Variants in MIB1 observed in about 807,000 individuals in gnomAD.
MIB1 encodes E3 ubiquitin-protein ligase MIB1.
MIB1 carries 278 observed loss-of-function variants against 124.5 expected under a neutral mutation model. That is an observed-to-expected ratio of 2.23 (90% CI 2.02 to 2.47). MIB1 has a LOEUF of 2.47. Among genes scored for constraint, MIB1 ranks in the 30% most tolerant of loss-of-function variants. The pLI is 0.00. For missense variants in MIB1, 957 were observed against 1,254.4 expected (o/e 0.76, Z 3.58); for synonymous variants, 446 against 429.4 (o/e 1.04, Z -0.48).
rs2042325127 is a variant in MIB1, at chr18:21,866,881, A to G, written c.*2215A>G. On this transcript the variant is annotated 3_prime_UTR_variant, in exon 21 of 21. Coordinates refer to ENST00000261537, the MANE Select transcript of MIB1 (RefSeq NM_020774.4). ...TACTTCTTTATTCATGTTTTCAATCACTTAGAATTATTTTAAATTTATTTT... is the reference window on the plus strand; with the variant it reads ...TACTTCTTTATTCATGTTTTCAATCGCTTAGAATTATTTTAAATTTATTTT... The G allele has an allele frequency of 6.6e-6, 1 of 152,540 alleles. No homozygotes were observed. Among genetic ancestry groups the G allele is most frequent in the Non-Finnish European group, 1.5e-5 (1 of 68,020 alleles). The allele number at this position is 152,540 out of a possible 1,614,324, so 9.4% of individuals were successfully genotyped here.
intron 13 of MIB1, among the ~76,000 whole-genome samples, chr18:21,842,709 A>C (rs1355448769): frequency 6.6e-6 from 1 of 152,192 alleles, no homozygotes; most frequent in Non-Finnish European, 1.5e-5. Flanking sequence ...CAGCAAGGGG[A>C]AGTGAACTTA....
chr18:21,770,549 G>A (rs569133476), intron 3 of MIB1, among the ~76,000 whole-genome samples: 1 of 152,082 alleles, frequency 6.6e-6, no homozygotes, highest in East Asian at 1.9e-4. Flanking sequence ...CGAACTCCTG[G>A]GTTCAAGCGA....
At chr18:21,858,443 A>C (rs2042246362) in intron 19 of MIB1, 103 bp from the exon 20 acceptor site, 1 of 609,772 alleles carries the variant, frequency 1.6e-6, no homozygotes, top group African/African-American at 1.8e-5. Flanking sequence ...GATTTTAATA[A>C]TAGTTTTATG....
In MIB1 at chr18:21,846,251, G is replaced by A. The variant is rs532735968; in HGVS notation, c.2212-693G>A. 2.6e-5 allele frequency among the ~76,000 whole-genome samples: 4 copies of A among 152,198 alleles called. No homozygotes were observed. In the South Asian group the frequency reaches 6.2e-4, roughly 24 times the overall value. ...AGACCTCTGCCTTATTTATGACCAT[G>A]GGTAAGTTCTCTTAGCTCGGTGTGC... On this transcript the variant is annotated intron_variant, in intron 15 of 20. Transcript: ENST00000261537.
In MIB1 at chr18:21,708,690, A is replaced by T. The variant is rs543666384; in HGVS notation, n.167+3567A>T. Reference sequence around the variant, plus strand: ...AAAAACCAAGTAACTGTTATTCCCAATTTATACATGAGGAAATGAGAGCTC... The same window carrying T: ...AAAAACCAAGTAACTGTTATTCCCATTTTATACATGAGGAAATGAGAGCTC... On this transcript the variant is annotated intron_variant and non_coding_transcript_variant, in intron 1 of 20. Transcript: ENST00000578646. Among the ~76,000 whole-genome samples, 7 of 152,240 alleles carry T rather than the reference A, an allele frequency of 4.6e-5. No homozygotes were observed. The South Asian group carries it at 1.4e-3, about 32-fold the overall frequency.
At chr18:21,832,784 T>C (rs2041995891) in intron 12 of MIB1, among the ~76,000 whole-genome samples, 1 of 152,202 alleles carries the variant, frequency 6.6e-6, no homozygotes, top group East Asian at 1.9e-4. Flanking sequence ...ACAGCTTTCC[T>C]AGATATTGAA....
In MIB1 at chr18:21,791,455, C is replaced by G; in HGVS notation, c.990C>G (p.Thr330=). The G allele has an allele frequency of 6.2e-7, 1 of 1,614,040 alleles. No individual in the cohort carries two copies. Among genetic ancestry groups the G allele is most frequent in the Non-Finnish European group, 8.5e-7 (1 of 1,179,954 alleles). ...GDAAQGAEGG[T]SQFQVGDLVQ... is the part of the protein sequence containing the mutation. ...CTGCTCAGGGTGCAGAAGGAGGCAC[C>G]TCGCAGTTTCAAGTGGGTGATCTTG... is the stretch of plus-strand genomic sequence containing the variant. Residue 330 remains threonine (T), a synonymous_variant, in exon 7 of 21, where the codon ACC becomes ACG. Coordinates refer to ENST00000261537, the MANE Select transcript of MIB1 (RefSeq NM_020774.4).
intron 8 of MIB1, among the ~76,000 whole-genome samples, chr18:21,799,597 G>T (rs1002873911): frequency 6.6e-6 from 1 of 151,898 alleles, no homozygotes; most frequent in Non-Finnish European, 1.5e-5. Context: ...AGTATATAAT[G>T]CACTACTTTT....
intron 4 of MIB1, among the ~76,000 whole-genome samples, chr18:21,777,488 C>G (rs1328034885): frequency 6.6e-6 from 1 of 152,120 alleles, no homozygotes; most frequent in South Asian, 2.1e-4. Context: ...GTTTTTCAAA[C>G]TATTATAATT....
chr18:21,795,443 C>T (rs1301315797), intron 7 of MIB1, among the ~76,000 whole-genome samples: 1 of 147,056 alleles, frequency 6.8e-6, no homozygotes, highest in African/African-American at 2.5e-5. Context: ...ACAATACAAA[C>T]TATATTAAAG....
rs757527279 is a variant in MIB1, at chr18:21,843,206, CA to C, written c.2039del (p.Gln680ArgfsTer28). On this transcript the variant is annotated frameshift_variant, in exon 14 of 21. Coordinates refer to ENST00000261537, the MANE Select transcript of MIB1 (RefSeq NM_020774.4). LOFTEE classifies it high-confidence loss of function. ...LHLAVERQHTQIVRLLVRAGA... is the reference protein window; with the variant it reads ...LHLAVERQHTXIVRLLVRAGA... ...CCTTGCTGTTGAACGACAGCATACC[CA>C]GATTGTTAGGGTAAAGTATTGACAT... The C allele has an allele frequency of 1.3e-6, 2 of 1,586,390 alleles. No homozygotes were observed. Among genetic ancestry groups the C allele is most frequent in the Non-Finnish European group, 1.7e-6 (2 of 1,169,362 alleles).
chr18:21,863,345 T>C (rs771153974), intron 20 of MIB1, among the ~76,000 whole-genome samples: 27 of 152,336 alleles, frequency 1.8e-4, no homozygotes, highest in Admixed American at 3.3e-4. Context: ...TTATTTTGGG[T>C]ACCCACACTC....
chr18:21,836,504 CCCGA>C (rs2042034404), intron 12 of MIB1, among the ~76,000 whole-genome samples: 1 of 151,764 alleles, frequency 6.6e-6, no homozygotes, highest in Non-Finnish European at 1.5e-5. Context: ...CCTTTTTTGT[CCCGA>C]CCAACAACTT....
At chr18:21,835,975 A>T (rs1467437333) in intron 12 of MIB1, among the ~76,000 whole-genome samples, 1 of 151,104 alleles carries the variant, frequency 6.6e-6, no homozygotes, top group African/African-American at 2.4e-5. Flanking sequence ...TAGATTGGGC[A>T]TGGTGGGTCA....
chr18:21,831,712 C>A (rs558164173), intron 12 of MIB1, among the ~76,000 whole-genome samples: 1 of 151,892 alleles, frequency 6.6e-6, no homozygotes, highest in African/African-American at 2.4e-5. Flanking sequence ...TTTCCACTTA[C>A]ATTTCCCAGA....
intron 17 of MIB1, among the ~76,000 whole-genome samples, chr18:21,850,956 C>T (rs1289641054): frequency 1.3e-5 from 2 of 152,078 alleles, no homozygotes; most frequent in Admixed American, 6.5e-5. Context: ...TATTGAACAT[C>T]TGTTTTATAG....
chr18:21,725,828 A>G (rs981057954), intron 1 of MIB1, among the ~76,000 whole-genome samples: 5 of 152,170 alleles, frequency 3.3e-5, no homozygotes, highest in African/African-American at 1.2e-4. Context: ...ATCAGGTTCT[A>G]ACTGCAATGA....
rs775197076 is a variant in MIB1, at chr18:21,838,369, A to G, written c.1834A>G (p.Met612Val). The G allele has an allele frequency of 1.3e-6, 2 of 1,586,476 alleles. No individual in the cohort carries two copies. The highest frequency in any genetic ancestry group is 1.8e-5 in the Admixed American group (1 of 55,596). ...TAATGTGAATTTAACTTTCAGTGCA[A>G]TGCGTGTTTTACTATCTAAATTACC... ...HAALRGNPSAMRVLLSKLPRP... is the reference protein window; with the variant it reads ...HAALRGNPSAVRVLLSKLPRP... The change falls in exon 13 of 21, where the codon ATG (methionine) becomes GTG (valine). Residue 612 changes from methionine to valine, a missense_variant. Physicochemically the swap from Met to Val is conservative, Grantham distance 21 (BLOSUM62 1). Coordinates refer to ENST00000261537, the MANE Select transcript of MIB1 (RefSeq NM_020774.4).
At chr18:21,787,834 A>G (rs1463971858) in intron 6 of MIB1, among the ~76,000 whole-genome samples, 1 of 150,444 alleles carries the variant, frequency 6.6e-6, no homozygotes, top group Non-Finnish European at 1.5e-5. Flanking sequence ...TGGCGTTGCC[A>G]CAGATATGTA....
Sources: allele counts gnomAD v4.1 joint callset (sites outside exome capture counted in the v4.1 genomes callset), GRCh38; gene constraint gnomAD v4.1.1; transcripts MANE v1.5; gene names NCBI Gene and HGNC (gene_info 2026-07-23, HGNC 2026-07-21).